PDZRN4: variants seen among roughly 807,000 people sequenced by gnomAD.
PDZRN4 encodes PDZ domain containing ring finger 4, also known as PDZ domain-containing RING finger protein 4.
In PDZRN4, 70 loss-of-function variants were observed where a neutral mutation model predicts 99.0. The observed-to-expected ratio is 0.71, with a 90% CI of 0.58 to 0.86. PDZRN4 has a LOEUF of 0.86. Ranked by LOEUF, PDZRN4 falls within the 40% of genes least tolerant of loss-of-function variation. PDZRN4 has a pLI of 0.00. For missense variants in PDZRN4, 1,474 were observed against 1,331.2 expected (o/e 1.11, Z -1.67); for synonymous variants, 551 against 501.6 (o/e 1.10, Z -1.32).
chr12:41,381,995 G>A (rs1201386367), intron 3 of PDZRN4, among the ~76,000 whole-genome samples: 2 of 152,138 alleles, frequency 1.3e-5, no homozygotes, highest in Non-Finnish European at 2.9e-5. Flanking sequence ...TCTCAGTTTA[G>A]GTTTGACCAC....
chr12:41,378,990 G>A (rs1243801116), intron 3 of PDZRN4, among the ~76,000 whole-genome samples: 1 of 152,126 alleles, frequency 6.6e-6, no homozygotes, highest in Non-Finnish European at 1.5e-5. Context: ...GTTTTTCAAA[G>A]GTGCTATATG....
intron 3 of PDZRN4, among the ~76,000 whole-genome samples, chr12:41,248,472 A>G (rs1376589307): frequency 6.6e-6 from 1 of 152,120 alleles, no homozygotes; most frequent in South Asian, 2.1e-4. Flanking sequence ...CTTAGAATTC[A>G]ATGACTAAAT....
rs149509216 is a variant in PDZRN4 at position 41,431,259 on chromosome 12, T to C, written c.844-75197T>C. Among the ~76,000 whole-genome samples, 883 of 152,354 alleles carry C rather than the reference T, an allele frequency of 5.8e-3. 10 individuals are homozygous for C. The highest frequency in any genetic ancestry group is 0.021 in the African/African-American group (854 of 41,586). ...GCACATACGTACTCTGTGCCAGGTA[T>C]ACTTGACACAAATTATCATCACAGC... is the stretch of plus-strand genomic sequence containing the variant. On this transcript the variant is annotated intron_variant, in intron 3 of 9. Transcript: ENST00000402685.
At chr12:41,412,099 T>C (rs1247215276) in intron 3 of PDZRN4, 3 of 152,208 alleles carry the variant, frequency 2.0e-5, no homozygotes, top group African/African-American at 7.2e-5. Flanking sequence ...GGTCCACTCA[T>C]TGAAACTCTG....
At chr12:41,378,257 C>T (rs1195556593) in intron 3 of PDZRN4, among the ~76,000 whole-genome samples, 3 of 152,078 alleles carry the variant, frequency 2.0e-5, no homozygotes, top group Non-Finnish European at 4.4e-5. Context: ...CATTCTTCTT[C>T]CTGTTAATAC....
intron 3 of PDZRN4, among the ~76,000 whole-genome samples, chr12:41,206,012 G>T (rs1054498891): frequency 2.0e-5 from 3 of 151,856 alleles, no homozygotes; most frequent in Admixed American, 1.3e-4. Flanking sequence ...TCACATTGCT[G>T]CATGTAAGTG....
chr12:41,380,835 AT>A (rs552124333), intron 3 of PDZRN4, among the ~76,000 whole-genome samples: 3 of 152,198 alleles, frequency 2.0e-5, no homozygotes, highest in South Asian at 4.1e-4. Flanking sequence ...ATATATTCAT[AT>A]GTTTTTACAT....
At chr12:41,232,288 C>T (rs1951033672) in intron 3 of PDZRN4, among the ~76,000 whole-genome samples, 1 of 152,060 alleles carries the variant, frequency 6.6e-6, no homozygotes. Flanking sequence ...CATGTAGCCT[C>T]ACCTGCCCTT....
chr12:41,268,290 C>T (rs778781621), intron 3 of PDZRN4, among the ~76,000 whole-genome samples: 32 of 152,306 alleles, frequency 2.1e-4, no homozygotes, highest in South Asian at 2.1e-3. Flanking sequence ...AGCTGCCAGA[C>T]GAGGCCAGAT....
intron 5 of PDZRN4, among the ~76,000 whole-genome samples, chr12:41,514,505 A>C (rs887124791): frequency 2.0e-5 from 3 of 149,590 alleles, no homozygotes; most frequent in African/African-American, 7.3e-5. Context: ...GCCAGTGTTG[A>C]AAAAAAAACA....
At chr12:41,444,237 TC>T (rs1447555821) in intron 3 of PDZRN4, among the ~76,000 whole-genome samples, 1 of 152,104 alleles carries the variant, frequency 6.6e-6, no homozygotes, top group Non-Finnish European at 1.5e-5. Flanking sequence ...AATTTTAGGC[TC>T]CACTTTAACG....
At chr12:41,446,807 A>G (rs1952732692) in intron 3 of PDZRN4, among the ~76,000 whole-genome samples, 1 of 148,214 alleles carries the variant, frequency 6.7e-6, no homozygotes, top group South Asian at 2.1e-4. Context: ...ACAGCCAGAC[A>G]GTGGATATTA....
chr12:41,420,208 C>T (rs537433828), intron 3 of PDZRN4, among the ~76,000 whole-genome samples: 132 of 152,176 alleles, frequency 8.7e-4, no homozygotes, highest in African/African-American at 2.5e-3. Flanking sequence ...AAAATAAAAT[C>T]TTCCTTCAAT....
chr12:41,378,160 A>G (rs1952095385), intron 3 of PDZRN4, among the ~76,000 whole-genome samples: 1 of 152,078 alleles, frequency 6.6e-6, no homozygotes. Flanking sequence ...TTCTATACCC[A>G]ATTTGTTGAA....
At position 41,188,591 on chromosome 12, in the gene PDZRN4, G is replaced by T. The variant is rs1054643554; in HGVS notation, c.136G>T (p.Ala46Ser). The change falls in exon 1 of 10, where the codon GCG becomes TCG. Residue 46 changes from alanine to serine, a missense_variant. Physicochemically the swap from Ala to Ser is moderately conservative, Grantham distance 99. Coordinates refer to ENST00000402685, the MANE Select transcript of PDZRN4 (RefSeq NM_001164595.2). ...VFCASCLLPW[A>S]VRRRRCPLQC... ...CTGCGCCAGCTGCCTGTTGCCCTGG[G>T]CGGTGCGGAGGCGCCGGTGCCCGCT... The T allele has an allele frequency of 6.5e-7, 1 of 1,542,170 alleles. No homozygotes were observed. The highest frequency in any genetic ancestry group is 8.7e-7 in the Non-Finnish European group (1 of 1,150,742).
chr12:41,333,356 C>T (rs987427708), intron 3 of PDZRN4, among the ~76,000 whole-genome samples: 10 of 152,076 alleles, frequency 6.6e-5, no homozygotes, highest in African/African-American at 2.2e-4. Context: ...ACGACCGCCA[C>T]CCCCAACTTG....
chr12:41,205,929 T>A (rs1186473255), intron 3 of PDZRN4, among the ~76,000 whole-genome samples: 1 of 151,986 alleles, frequency 6.6e-6, no homozygotes, highest in Non-Finnish European at 1.5e-5. Flanking sequence ...GACTTTTATA[T>A]AAATAGAATC....
In PDZRN4 at chr12:41,477,724, C is replaced by T. The variant is rs182635315; in HGVS notation, c.844-28732C>T. 110 of 680,288 alleles carry T rather than the reference C, an allele frequency of 1.6e-4. 1 individual carries two copies. Among genetic ancestry groups the T allele is most frequent in the African/African-American group, 1.4e-3 (76 of 55,900 alleles). 42.1% of individuals were successfully genotyped at this position (680,288 alleles called of 1,614,324 possible). On this transcript the variant is annotated intron_variant, in intron 3 of 9. Transcript: ENST00000402685. ...AATGATGGTTATTTGGTGAACAGAC[C>T]AACTCCGCACAAAACAGCCAAATAA...
intron 9 of PDZRN4, among the ~76,000 whole-genome samples, chr12:41,568,361 A>C (rs972927521): frequency 6.6e-6 from 1 of 152,208 alleles, no homozygotes; most frequent in Non-Finnish European, 1.5e-5. Context: ...TGCGTACTGG[A>C]TGGCGTGATT....
Sources: gnomAD v4.1 joint callset for allele counts (sites outside exome capture counted in the v4.1 genomes callset) on GRCh38, gnomAD v4.1.1 for gene constraint, MANE v1.5 for transcripts, NCBI Gene and HGNC (gene_info 2026-07-23, HGNC 2026-07-21) for gene names.